The following DGKH variants were observed in gnomAD, a reference collection of about 807,000 sequenced individuals.
DGKH encodes DAG kinase eta.
A neutral mutation model predicts 159.3 loss-of-function variants in DGKH; 90 were observed. The observed-to-expected ratio is 0.57, with a 90% CI of 0.48 to 0.67. The LOEUF is 0.67. Among genes scored for constraint, DGKH ranks in the 30% least tolerant of loss-of-function variants. The pLI, the probability that DGKH is intolerant of heterozygous loss-of-function variation, is 0.00. For missense variants in DGKH, 1,181 were observed against 1,506.1 expected (o/e 0.78, Z 3.57); for synonymous variants, 536 against 553.8 (o/e 0.97, Z 0.45).
chr13:42,216,229 A>G (rs73172203), intron 26 of DGKH, among the ~76,000 whole-genome samples: 23,402 of 152,200 alleles, frequency 0.15, 1,967 homozygotes, highest in African/African-American at 0.24. Context: ...TGGATGTCCT[A>G]TTTTGTTAGC....
downstream of DGKH, among the ~76,000 whole-genome samples, chr13:42,245,793 C>T (rs1018119509): frequency 2.6e-5 from 4 of 152,102 alleles, no homozygotes; most frequent in Non-Finnish European, 5.9e-5. Context: ...CCATATTGGC[C>T]AGGCTGGTCT....
chr13:42,188,852 A>G (rs1485192789), intron 14 of DGKH, among the ~76,000 whole-genome samples, 184 bp from the exon 15 acceptor site: 1 of 152,206 alleles, frequency 6.6e-6, no homozygotes, highest in Non-Finnish European at 1.5e-5. Context: ...ATCTCTACTA[A>G]ATGGAGATTT....
intron 1 of DGKH, among the ~76,000 whole-genome samples, chr13:42,076,015 A>G (rs1471157219): frequency 2.6e-5 from 4 of 152,178 alleles, no homozygotes; most frequent in African/African-American, 4.8e-5. Context: ...ATGTGATTCT[A>G]CTTTCCATTT....
At chr13:42,174,362 C>A (rs541497067) in intron 12 of DGKH, among the ~76,000 whole-genome samples, 2 of 152,078 alleles carry the variant, frequency 1.3e-5, no homozygotes. Flanking sequence ...CCACCCACAC[C>A]GGGAGTGCCC....
At chr13:42,174,787 C>T (rs1956559366) in intron 12 of DGKH, among the ~76,000 whole-genome samples, 1 of 152,156 alleles carries the variant, frequency 6.6e-6, no homozygotes, top group Admixed American at 6.6e-5. Flanking sequence ...CTCACTGCAG[C>T]CTTGACCTCC....
chr13:42,048,202 G>A (rs192688193), upstream of DGKH, among the ~76,000 whole-genome samples: 1 of 152,176 alleles, frequency 6.6e-6, no homozygotes, highest in Non-Finnish European at 1.5e-5. The surrounding 1 kb of genome is among the most constrained non-coding windows in gnomAD (Gnocchi z 6.7). Flanking sequence ...GGAACCGCGC[G>A]GCGAGGCCCA....
chr13:42,079,024 C>CCTCA (rs772859125), intron 1 of DGKH, among the ~76,000 whole-genome samples: 2 of 149,254 alleles, frequency 1.3e-5, no homozygotes, highest in African/African-American at 2.5e-5. Flanking sequence ...GATTCTCCTG[C>CCTCA]CTCAGCCTCC....
At chr13:42,083,398 C>T (rs1055636481) in intron 1 of DGKH, among the ~76,000 whole-genome samples, 5 of 152,180 alleles carry the variant, frequency 3.3e-5, no homozygotes, top group African/African-American at 9.7e-5. Context: ...AAAATGGTGA[C>T]ATGCTCTCCT....
intron 1 of DGKH, among the ~76,000 whole-genome samples, chr13:42,074,881 A>G (rs1186659584): frequency 6.6e-6 from 1 of 152,212 alleles, no homozygotes; most frequent in African/African-American, 2.4e-5. Context: ...GAAAAATAGA[A>G]TTGGAATTTG....
chr13:42,065,491 C>A lies in DGKH; in HGVS notation c.192+16526C>A, dbSNP rs150524328. Among the ~76,000 whole-genome samples the A allele has an allele frequency of 3.0e-3, 454 of 152,326 alleles. 5 individuals are homozygous for A. The highest frequency in any genetic ancestry group is 0.011 in the African/African-American group (439 of 41,568). ...GCAACACCCTAGCCTGTTGGATCAA[C>A]TCCTTCATTGTCATTTGCTATGGAA... is the stretch of plus-strand genomic sequence containing the variant. On this transcript the variant is annotated intron_variant, in intron 1 of 29. Coordinates refer to ENST00000337343, the MANE Select transcript of DGKH (RefSeq NM_178009.5).
At chr13:42,152,458 C>CAT (rs147109310) in intron 3 of DGKH, among the ~76,000 whole-genome samples, 6,523 of 149,650 alleles carry the variant, frequency 0.044, 228 homozygotes, top group Non-Finnish European at 0.07. Flanking sequence ...CATACACACA[C>CAT]ATATATATAC....
At chr13:42,071,847 C>T (rs1456684958) in intron 1 of DGKH, among the ~76,000 whole-genome samples, 1 of 152,186 alleles carries the variant, frequency 6.6e-6, no homozygotes, top group African/African-American at 2.4e-5. Context: ...GCCGCAGTCA[C>T]CGCCATGTAA....
Position 42,207,762 on chromosome 13 carries a change from C to T in DGKH, c.2602-1197C>T, listed in dbSNP as rs372449395. Among the ~76,000 whole-genome samples, 7 of 148,294 alleles carry T rather than the reference C, an allele frequency of 4.7e-5. No individual in the cohort carries two copies. The South Asian group carries it at 1.3e-3, about 27-fold the overall frequency. ...ATCACAGTCTTTATTTGAAGAGTCA[C>T]ATCCATTGATTTGAGTTTATGATAT... On this transcript the variant is annotated intron_variant, in intron 21 of 29. Transcript: ENST00000337343.
intron 13 of DGKH, among the ~76,000 whole-genome samples, chr13:42,181,085 G>T (rs975395434): frequency 6.6e-6 from 1 of 151,856 alleles, no homozygotes; most frequent in African/African-American, 2.4e-5. Flanking sequence ...GACCATCCTG[G>T]CTAACACGGT....
intron 29 of DGKH, among the ~76,000 whole-genome samples, chr13:42,250,852 T>C (rs982410155): frequency 2.0e-5 from 3 of 152,192 alleles, no homozygotes; most frequent in East Asian, 1.9e-4. Context: ...CAAAAAACAC[T>C]AATATGTAGC....
At chr13:42,198,349 G>A in intron 17 of DGKH, 129 bp from the exon 18 acceptor site, 1 of 663,560 alleles carries the variant, frequency 1.5e-6, no homozygotes, top group South Asian at 2.0e-5. Flanking sequence ...GAGAAGAGTA[G>A]GCACTGAAAT....
At chr13:42,124,839 G>A (rs1010210663) in intron 1 of DGKH, among the ~76,000 whole-genome samples, 1 of 152,144 alleles carries the variant, frequency 6.6e-6, no homozygotes, top group Non-Finnish European at 1.5e-5. Context: ...ATGGGGCCTG[G>A]AGTTTCACTC....
rs1461912319 is a variant in DGKH, at chr13:42,230,724, A to T, written c.*1536A>T. On this transcript the variant is annotated 3_prime_UTR_variant, in exon 30 of 30. Transcript: ENST00000337343. ...CATACACATATACATTTATATGTGT[A>T]TATATATACCTACATACATATAACC... The T allele has an allele frequency of 1.3e-5, 2 of 152,080 alleles. No homozygotes were observed. The highest frequency in any genetic ancestry group is 2.4e-5 in the African/African-American group (1 of 41,416). 9.4% of individuals were successfully genotyped at this position (152,080 alleles called of 1,614,324 possible).
intron 29 of DGKH, among the ~76,000 whole-genome samples, chr13:42,227,946 C>G (rs1048181956): frequency 6.6e-6 from 1 of 152,104 alleles, no homozygotes; most frequent in Non-Finnish European, 1.5e-5. Context: ...TTTTATAACC[C>G]TGTTTTTTAG....
Sources: allele counts gnomAD v4.1 joint callset (sites outside exome capture counted in the v4.1 genomes callset), GRCh38; gene constraint gnomAD v4.1.1; non-coding constraint Gnocchi (gnomAD v3.1); transcripts MANE v1.5; gene names NCBI Gene and HGNC (gene_info 2026-07-23, HGNC 2026-07-21).